The following MTHFD2 variants were observed in gnomAD, a reference collection of about 807,000 sequenced individuals.
The protein encoded by MTHFD2 is methylenetetrahydrofolate dehydrogenase (NADP+ dependent) 2, methenyltetrahydrofolate cyclohydrolase.
A neutral mutation model predicts 36.8 loss-of-function variants in MTHFD2; 26 were observed. The ratio of observed to expected loss-of-function variants is 0.71; its 90% CI spans 0.52 to 0.98. The LOEUF (loss-of-function observed/expected upper bound fraction) is 0.98. Among genes scored for constraint, MTHFD2 ranks in the 50% least tolerant of loss-of-function variants. The pLI is 0.00. For missense variants in MTHFD2, 373 were observed against 434.0 expected, an observed-to-expected ratio of 0.86 and a Z score of 1.25; for synonymous variants, 164 against 155.2, an observed-to-expected ratio of 1.06 and a Z score of -0.42.
intron 7 of MTHFD2, 70 bp from the exon 8 acceptor site, chr2:74,214,006 TTAA>T (rs900190898): frequency 2.0e-4 from 289 of 1,476,708 alleles, no homozygotes; most frequent in Non-Finnish European, 2.2e-4. Flanking sequence ...GCATGCTTGT[TTAA>T]TAATATATTA....
In MTHFD2 at chr2:74,214,092, A is replaced by G; in HGVS notation, c.903A>G (p.Lys301=). 6.2e-7 allele frequency: 1 copy of G among 1,613,896 alleles called. No individual in the cohort carries two copies. The highest frequency in any genetic ancestry group is 2.2e-5 in the East Asian group (1 of 44,870). ...GTTTCTATGTAGGAGTCAGACAAAAAGCTGGGTATATCACTCCAGTTCCTG... is the reference window on the plus strand; with the variant it reads ...GTTTCTATGTAGGAGTCAGACAAAAGGCTGGGTATATCACTCCAGTTCCTG... The part of the protein sequence containing the change: ...GDVDFEGVRQ[K]AGYITPVPGG... Residue 301 remains lysine (K), a synonymous_variant, in exon 8 of 8, where the codon AAA becomes AAG. Coordinates refer to ENST00000394053, the MANE Select transcript of MTHFD2 (RefSeq NM_006636.4).
At chr2:74,207,275 C>T (rs937931651) in intron 2 of MTHFD2, among the ~76,000 whole-genome samples, 1 of 152,110 alleles carries the variant, frequency 6.6e-6, no homozygotes, top group African/African-American at 2.4e-5. Flanking sequence ...ACTACAGGCG[C>T]GTTCCACCAA....
chr2:74,206,059 G>A (rs892313966), intron 2 of MTHFD2, 170 bp downstream of exon 2: 4 of 642,528 alleles, frequency 6.2e-6, no homozygotes, highest in East Asian at 2.9e-5. Flanking sequence ...TATATCTTTC[G>A]GGGTTTATAC....
chr2:74,210,296 T>A (rs889446336), intron 5 of MTHFD2, among the ~76,000 whole-genome samples: 1 of 152,194 alleles, frequency 6.6e-6, no homozygotes, highest in African/African-American at 2.4e-5. Context: ...ATAAGCATGG[T>A]TGTAGGCAAT....
In MTHFD2 at chr2:74,211,721, T is replaced by A. The variant is rs954379925; in HGVS notation, c.764-20T>A. 2.5e-6 allele frequency: 4 copies of A among 1,599,370 alleles called. No homozygotes were observed. Among genetic ancestry groups the A allele is most frequent in the Middle Eastern group, 1.9e-4 (1 of 5,178 alleles). On this transcript the variant is annotated intron_variant, in intron 6 of 7. Coordinates refer to ENST00000394053, the MANE Select transcript of MTHFD2 (RefSeq NM_006636.4). Reference sequence around the variant, plus strand: ...GACTGTTTTCAGTACTAAGTTGATCTTTCCTTTCTCCATTTCCAGGTATTC... The same window carrying A: ...GACTGTTTTCAGTACTAAGTTGATCATTCCTTTCTCCATTTCCAGGTATTC...
At chr2:74,206,049 T>A (rs1694173010) in intron 2 of MTHFD2, 160 bp downstream of exon 2, 2 of 694,828 alleles carry the variant, frequency 2.9e-6, no homozygotes, top group South Asian at 4.1e-5. Context: ...GAAATCAGAC[T>A]ATATCTTTCG....
At chr2:74,202,217 G>T (rs543591179) in intron 1 of MTHFD2, among the ~76,000 whole-genome samples, 16 of 151,948 alleles carry the variant, frequency 1.1e-4, no homozygotes, top group Admixed American at 4.6e-4. Context: ...ATGTGTAAGT[G>T]TATCTATTTT....
At chr2:74,202,879 T>G (rs1182343278) in intron 1 of MTHFD2, among the ~76,000 whole-genome samples, 1 of 152,198 alleles carries the variant, frequency 6.6e-6, no homozygotes, top group Non-Finnish European at 1.5e-5. Flanking sequence ...AATGGAATTG[T>G]GAATATTAAT....
chr2:74,211,943 A>ATTTTTT, intron 7 of MTHFD2, 77 bp downstream of exon 7: 5 of 690,808 alleles, frequency 7.2e-6, no homozygotes, highest in South Asian at 3.2e-5. Context: ...TAGATTATTT[A>ATTTTTT]CTTTTTTTTT....
rs998535677 is a variant in MTHFD2 at position 74,216,751 on chromosome 2, G to C, written c.*2509G>C. 13 of 152,216 alleles carry C rather than the reference G, an allele frequency of 8.5e-5. No homozygotes were observed. The highest frequency in any genetic ancestry group is 1.8e-4 in the Non-Finnish European group (12 of 68,094). The allele number at this position is 152,216 out of a possible 1,614,324, so 9.4% of individuals were successfully genotyped here. Reference sequence around the variant, plus strand: ...AGCCTCTGAAATGGCTGGGACTACAGGTGTGTGCCAGCATGCCTAGCTAAT... The same window carrying C: ...AGCCTCTGAAATGGCTGGGACTACACGTGTGTGCCAGCATGCCTAGCTAAT... On this transcript the variant is annotated 3_prime_UTR_variant, in exon 8 of 8. Coordinates refer to ENST00000394053, the MANE Select transcript of MTHFD2 (RefSeq NM_006636.4).
chr2:74,207,910 CCCT>C, intron 3 of MTHFD2, 84 bp downstream of exon 3: 1 of 1,310,348 alleles, frequency 7.6e-7, no homozygotes. Flanking sequence ...CTCCCCATCC[CCCT>C]CCTCCTCCCT....
chr2:74,201,054 C>T (rs1295485934), intron 1 of MTHFD2, among the ~76,000 whole-genome samples: 2 of 152,208 alleles, frequency 1.3e-5, no homozygotes, highest in African/African-American at 4.8e-5. Flanking sequence ...ATGGTGCAAT[C>T]TTGGCTCACT....
chr2:74,209,084 G>A (rs1023176359), intron 4 of MTHFD2, among the ~76,000 whole-genome samples: 2 of 87,742 alleles, frequency 2.3e-5, no homozygotes, highest in East Asian at 8.5e-4. Flanking sequence ...TATTGACCAA[G>A]CTGGTCTCGA....
intron 1 of MTHFD2, among the ~76,000 whole-genome samples, chr2:74,201,826 C>T (rs1694048496): frequency 6.6e-6 from 1 of 152,220 alleles, no homozygotes; most frequent in Non-Finnish European, 1.5e-5. Context: ...TGACTCACTC[C>T]CAAGGCTGTA....
chr2:74,199,707 CAAAAA>C (rs34436782), intron 1 of MTHFD2, among the ~76,000 whole-genome samples: 25 of 103,598 alleles, frequency 2.4e-4, no homozygotes, highest in African/African-American at 3.5e-4. Context: ...GACCCTGTCT[CAAAAA>C]AAAAAAAAAA....
chr2:74,211,635 A>T, intron 6 of MTHFD2, 106 bp from the exon 7 acceptor site: 1 of 1,108,436 alleles, frequency 9.0e-7, no homozygotes, highest in Non-Finnish European at 1.2e-6. Flanking sequence ...TTTTAATAAA[A>T]CATGTTGATT....
rs764231542 is a variant in MTHFD2, at chr2:74,198,625, A to AGTCACCGGCGCG, written c.-13_-2dup. On this transcript the variant is annotated 5_prime_UTR_variant, in exon 1 of 8. Coordinates refer to ENST00000394053, the MANE Select transcript of MTHFD2 (RefSeq NM_006636.4). ...CGCGCGCGCGCTTCCCTCCCGGCGC[A>AGTCACCGGCGCG]GTCACCGGCGCGGTCTATGGCTGCG... 2 of 1,588,530 alleles carry AGTCACCGGCGCG rather than the reference A, an allele frequency of 1.3e-6. No individual in the cohort carries two copies. The highest frequency in any genetic ancestry group is 2.7e-5 in the African/African-American group (2 of 73,994).
At chr2:74,200,823 C>T (rs1572982384) in intron 1 of MTHFD2, among the ~76,000 whole-genome samples, 2 of 152,264 alleles carry the variant, frequency 1.3e-5, no homozygotes, top group East Asian at 1.9e-4. Flanking sequence ...TGTCTTCCTT[C>T]ACTCATTATT....
chr2:74,200,227 G>A (rs554755250), intron 1 of MTHFD2, among the ~76,000 whole-genome samples: 48 of 152,264 alleles, frequency 3.2e-4, no homozygotes, highest in African/African-American at 1.1e-3. Flanking sequence ...GGCCTCATGT[G>A]ACTGTGGACC....
Sources: allele counts gnomAD v4.1 joint callset (sites outside exome capture counted in the v4.1 genomes callset), GRCh38; gene constraint gnomAD v4.1.1; transcripts MANE v1.5; gene names NCBI Gene and HGNC (gene_info 2026-07-23, HGNC 2026-07-21).